HFM1: variants seen among roughly 807,000 people sequenced by gnomAD.
HFM1 encodes the protein helicase for meiosis 1, also known as probable ATP-dependent DNA helicase HFM1.
In HFM1, 169 loss-of-function variants were observed where a neutral mutation model predicts 192.1. That is an observed-to-expected ratio of 0.88 (90% CI 0.78 to 1.00). HFM1 has a LOEUF of 1.00. Among genes scored for constraint, HFM1 ranks in the 50% least tolerant of loss-of-function variants. HFM1 has a pLI of 0.00. For synonymous variants in HFM1, 525 were observed against 537.8 expected (o/e 0.98, Z 0.33); for missense variants, 1,661 against 1,668.0 (o/e 1.00, Z 0.07).
chr1:91,277,085 A>T (rs745676998), intron 30 of HFM1, 23 bp from the exon 31 acceptor site: 15 of 1,315,708 alleles, frequency 1.1e-5, no homozygotes, highest in Non-Finnish European at 1.6e-5. Context: ...AAGAAAAACA[A>T]ATCCATTTGT....
At chr1:91,299,608 C>G (rs1271692372) in intron 30 of HFM1, among the ~76,000 whole-genome samples, 1 of 152,164 alleles carries the variant, frequency 6.6e-6, no homozygotes, top group Admixed American at 6.6e-5. Flanking sequence ...TGCAATCAAA[C>G]TAGAACTCAG....
chr1:91,282,139 CT>C (rs1667515555), intron 30 of HFM1, among the ~76,000 whole-genome samples: 2 of 152,100 alleles, frequency 1.3e-5, no homozygotes, highest in Non-Finnish European at 2.9e-5. Flanking sequence ...ATTATTTCTT[CT>C]GATTTGTTTG....
At chr1:91,268,800 ATGGCTG>A in intron 34 of HFM1, among the ~76,000 whole-genome samples, 1 of 152,174 alleles carries the variant, frequency 6.6e-6, no homozygotes, top group Middle Eastern at 3.4e-3. Flanking sequence ...TAGTCAACCT[ATGGCTG>A]CAAGTGACGA....
chr1:91,375,363 T>C lies in HFM1; in HGVS notation c.1680A>G (p.Lys560=), dbSNP rs763366878. The change falls in exon 13 of 39, where the codon AAA becomes AAG. Residue 560 remains lysine, a synonymous_variant. Transcript: ENST00000370425. ...GAAAAAATAAAATACTATACCTCTG[T>C]TTCTGTTCCACAGTCATAATAAATT... The part of the protein sequence containing the change: ...DAKFIMTVEQ[K]QRLQKYAYSV... 1 of 1,609,110 alleles carries C rather than the reference T, an allele frequency of 6.2e-7. No homozygotes were observed. The highest frequency in any genetic ancestry group is 1.1e-5 in the South Asian group (1 of 90,896).
rs553532879 is a variant in HFM1 at position 91,352,312 on chromosome 1, A to T, written c.1977+194T>A. Among the ~76,000 whole-genome samples the T allele has an allele frequency of 9.9e-5, 15 of 151,866 alleles. No homozygotes were observed. The East Asian group carries it at 2.9e-3, about 29-fold the overall frequency. On this transcript the variant is annotated intron_variant, in intron 16 of 38. Coordinates refer to ENST00000370425, the MANE Select transcript of HFM1 (RefSeq NM_001017975.6). ...ACCCATCCCCTCATCAGCCAAGACAAGCTTAGACAGAATGAAGGAAGTATG... is the reference window on the plus strand; with the variant it reads ...ACCCATCCCCTCATCAGCCAAGACATGCTTAGACAGAATGAAGGAAGTATG...
At chr1:91,395,465 T>C (rs923953985) in intron 3 of HFM1, among the ~76,000 whole-genome samples, 2 of 152,148 alleles carry the variant, frequency 1.3e-5, no homozygotes, top group Non-Finnish European at 2.9e-5. Flanking sequence ...GGTATGTATG[T>C]ATTTAGAGAT....
intron 23 of HFM1, among the ~76,000 whole-genome samples, chr1:91,322,676 A>C (rs753252524): frequency 2.0e-5 from 3 of 152,178 alleles, no homozygotes; most frequent in Non-Finnish European, 4.4e-5. Context: ...ACTCTCACTC[A>C]AGCTAACTTG....
chr1:91,330,190 C>T (rs549996879), intron 20 of HFM1, among the ~76,000 whole-genome samples: 1 of 151,706 alleles, frequency 6.6e-6, no homozygotes, highest in East Asian at 1.9e-4. Flanking sequence ...GGATAAGACA[C>T]TGGTTTTCAT....
In HFM1 at chr1:91,351,570, C is replaced by T; in HGVS notation, c.2051G>A (p.Cys684Tyr). ...TRDKYIQMLA[C>Y]RDTVESSLHR... Reference sequence around the variant, plus strand: ...CTACCTGCTTTCTACAGTGTCTCTACAAGCTAACATCTGAATGTACTTGTC... The same window carrying T: ...CTACCTGCTTTCTACAGTGTCTCTATAAGCTAACATCTGAATGTACTTGTC... Residue 684 changes from cysteine (C) to tyrosine (Y), a missense_variant, in exon 17 of 39, where the codon TGT becomes TAT. Cys to Tyr is a radical substitution (Grantham distance 194, BLOSUM62 -2). Transcript: ENST00000370425. 2.5e-6 allele frequency: 4 copies of T among 1,590,572 alleles called. No homozygotes were observed. Among genetic ancestry groups the T allele is most frequent in the Non-Finnish European group, 2.6e-6 (3 of 1,164,926 alleles).
chr1:91,289,852 A>AAGAGGGAGAGGGAGACGAGAGGG lies in HFM1; in HGVS notation c.3392-12813_3392-12791dup, dbSNP rs1427014601. Among the ~76,000 whole-genome samples, 240 of 152,098 alleles carry AAGAGGGAGAGGGAGACGAGAGGG rather than the reference A, an allele frequency of 1.6e-3. 1 individual carries two copies. Among genetic ancestry groups the AAGAGGGAGAGGGAGACGAGAGGG allele is most frequent in the African/African-American group, 5.5e-3 (227 of 41,414 alleles). On this transcript the variant is annotated intron_variant, in intron 30 of 38. Transcript: ENST00000370425. Reference sequence around the variant, plus strand: ...CTCAGCATCAGAGGGAGACCGTGCAAAGAGGGAGAGGGAGACGAGAGGGAG... The same window carrying AAGAGGGAGAGGGAGACGAGAGGG: ...CTCAGCATCAGAGGGAGACCGTGCAAAGAGGGAGAGGGAGACGAGAGGGAGAGGGAGAGGGAGACGAGAGGGAG...
At chr1:91,343,195 C>T (rs1202670847) in intron 20 of HFM1, among the ~76,000 whole-genome samples, 3 of 135,502 alleles carry the variant, frequency 2.2e-5, no homozygotes, top group African/African-American at 8.3e-5. Context: ...CTCGCCACTG[C>T]ACTCCAGCCT....
At chr1:91,330,870 T>C (rs1455383695) in intron 20 of HFM1, among the ~76,000 whole-genome samples, 1 of 152,186 alleles carries the variant, frequency 6.6e-6, no homozygotes, top group Non-Finnish European at 1.5e-5. Flanking sequence ...ACCAATGTGA[T>C]ACATCATATC....
chr1:91,315,727 A>G, intron 28 of HFM1, 88 bp downstream of exon 28: 3 of 920,774 alleles, frequency 3.3e-6, no homozygotes, highest in Non-Finnish European at 4.8e-6. Context: ...TGATCCCACA[A>G]TGATCTTGTT....
chr1:91,400,868 G>A (rs1664230164), intron 2 of HFM1, 144 bp downstream of exon 2: 2 of 512,036 alleles, frequency 3.9e-6, no homozygotes, highest in East Asian at 7.0e-5. Context: ...AGAATTCCAT[G>A]TTTACCAAAT....
At chr1:91,395,012 A>G (rs963477635) in intron 3 of HFM1, among the ~76,000 whole-genome samples, 1 of 151,148 alleles carries the variant, frequency 6.6e-6, no homozygotes, top group African/African-American at 2.4e-5. Flanking sequence ...GCTATATATT[A>G]TTTGATATAA....
chr1:91,282,622 T>C (rs531377470), intron 30 of HFM1, among the ~76,000 whole-genome samples: 53 of 152,136 alleles, frequency 3.5e-4, no homozygotes, highest in Non-Finnish European at 6.5e-4. Context: ...TGTTAGTAAG[T>C]AGCAAATTTG....
chr1:91,266,205 G>T, intron 35 of HFM1, 98 bp from the exon 36 acceptor site: 1 of 863,502 alleles, frequency 1.2e-6, no homozygotes, highest in Admixed American at 2.8e-5. Context: ...GATATGATCT[G>T]ATTAAGGAAG....
At chr1:91,265,091 G>A (rs548940508) in intron 36 of HFM1, among the ~76,000 whole-genome samples, 1 of 152,250 alleles carries the variant, frequency 6.6e-6, no homozygotes, top group Non-Finnish European at 1.5e-5. Flanking sequence ...TGGCCACCAT[G>A]CCTCTGGCAG....
At chr1:91,320,913 G>T (rs1049425245) in intron 23 of HFM1, among the ~76,000 whole-genome samples, 9 of 152,132 alleles carry the variant, frequency 5.9e-5, no homozygotes, top group African/African-American at 2.2e-4. Flanking sequence ...ATGAGATAAA[G>T]TATTGATTCG....
Sources: gnomAD v4.1 joint callset for allele counts (sites outside exome capture counted in the v4.1 genomes callset) on GRCh38, gnomAD v4.1.1 for gene constraint, MANE v1.5 for transcripts, NCBI Gene and HGNC (gene_info 2026-07-23, HGNC 2026-07-21) for gene names.